PTPRG: variants seen among roughly 807,000 people sequenced by gnomAD.
The protein encoded by PTPRG is receptor-type tyrosine-protein phosphatase gamma.
Under a neutral mutation model 165.3 loss-of-function variants are expected in PTPRG, and 102 were observed. The ratio of observed to expected loss-of-function variants is 0.62; its 90% CI spans 0.53 to 0.73. PTPRG has a LOEUF of 0.73. Among genes scored for constraint, PTPRG ranks in the 30% least tolerant of loss-of-function variants. PTPRG has a pLI of 0.00. For missense variants in PTPRG, 1,866 were observed against 1,861.4 expected, an observed-to-expected ratio of 1.00 and a Z score of -0.05; for synonymous variants, 675 against 669.5, an observed-to-expected ratio of 1.01 and a Z score of -0.13.
chr3:61,810,166 G>A lies in PTPRG; in HGVS notation c.190+61184G>A, dbSNP rs913457640. Among the ~76,000 whole-genome samples the A allele has an allele frequency of 4.6e-5, 7 of 152,300 alleles. No individual in the cohort carries two copies. In the East Asian group the frequency reaches 1.4e-3, roughly 29 times the overall value. On this transcript the variant is annotated intron_variant, in intron 2 of 29. Transcript: ENST00000474889. ...GAGGCCAAAGTGTACTCTACAGGGAGTGCAGGATAAAATAAGAACAATACG... is the reference window on the plus strand; with the variant it reads ...GAGGCCAAAGTGTACTCTACAGGGAATGCAGGATAAAATAAGAACAATACG...
chr3:61,995,609 T>C (rs899287990), intron 3 of PTPRG, among the ~76,000 whole-genome samples: 2 of 150,680 alleles, frequency 1.3e-5, no homozygotes, highest in Non-Finnish European at 3.0e-5. Flanking sequence ...GGTATGGGGG[T>C]GTGTAGGTAT....
intron 14 of PTPRG, among the ~76,000 whole-genome samples, chr3:62,234,950 T>C (rs1185562081): frequency 6.8e-6 from 1 of 146,718 alleles, no homozygotes; most frequent in Non-Finnish European, 1.5e-5. Flanking sequence ...CCCCCCGAGA[T>C]GGTCTCAAGT....
chr3:61,704,164 GTCTGGGAGGCCAAGT>G (rs956708552), intron 1 of PTPRG, among the ~76,000 whole-genome samples: 7 of 152,166 alleles, frequency 4.6e-5, no homozygotes, highest in African/African-American at 1.7e-4. Flanking sequence ...CAAATTGGTT[GTCTGGGAGGCCAAGT>G]TCTGGAGGTA....
chr3:61,577,923 C>T (rs1261482747), intron 1 of PTPRG, among the ~76,000 whole-genome samples: 2 of 152,190 alleles, frequency 1.3e-5, no homozygotes. Flanking sequence ...GGTCATTTAG[C>T]TTTGTGTGCC....
intron 2 of PTPRG, among the ~76,000 whole-genome samples, chr3:61,839,822 C>G (rs1324836945): frequency 2.0e-5 from 3 of 152,160 alleles, no homozygotes; most frequent in Non-Finnish European, 4.4e-5. Context: ...CCTCTCAACT[C>G]TCACCCCCTT....
chr3:62,122,629 ATGTT>A (rs1387613550), intron 5 of PTPRG, among the ~76,000 whole-genome samples: 1 of 152,196 alleles, frequency 6.6e-6, no homozygotes, highest in South Asian at 2.1e-4. Context: ...TTGGTTTTCT[ATGTT>A]TGTTTAAACA....
intron 2 of PTPRG, among the ~76,000 whole-genome samples, chr3:61,754,259 G>C (rs896440528): frequency 6.6e-6 from 1 of 152,174 alleles, no homozygotes; most frequent in South Asian, 2.1e-4. Flanking sequence ...GGGATTTGAG[G>C]AATTGCTCAG....
intron 2 of PTPRG, among the ~76,000 whole-genome samples, chr3:61,914,703 C>G (rs2038890815): frequency 6.6e-6 from 1 of 152,010 alleles, no homozygotes; most frequent in South Asian, 2.1e-4. Flanking sequence ...CAAGAAATTA[C>G]AATATTGACC....
intron 14 of PTPRG, among the ~76,000 whole-genome samples, chr3:62,242,205 T>C (rs1016253776): frequency 1.3e-5 from 2 of 152,254 alleles, no homozygotes; most frequent in African/African-American, 4.8e-5. Context: ...TTCATATCCA[T>C]GTAGCTTAAG....
At chr3:61,984,377 T>C (rs2040708516) in intron 2 of PTPRG, among the ~76,000 whole-genome samples, 1 of 152,172 alleles carries the variant, frequency 6.6e-6, no homozygotes, top group African/African-American at 2.4e-5. Flanking sequence ...TACCGTAGTC[T>C]CTTGTTTCCT....
intron 1 of PTPRG, among the ~76,000 whole-genome samples, chr3:61,615,337 T>TC (rs1701273167): frequency 6.6e-6 from 1 of 152,034 alleles, no homozygotes; most frequent in South Asian, 2.1e-4. Context: ...TCGATACTTT[T>TC]GAAGGTAACA....
intron 1 of PTPRG, among the ~76,000 whole-genome samples, chr3:61,603,115 A>G (rs1362611087): frequency 6.6e-6 from 1 of 152,190 alleles, no homozygotes; most frequent in Admixed American, 6.5e-5. Flanking sequence ...AGCAAACACT[A>G]TAAATCAGCC....
At position 61,562,152 on chromosome 3, in the gene PTPRG, GCCGCCGAGCGC is replaced by G; in HGVS notation, c.-135_-125del. On this transcript the variant is annotated 5_prime_UTR_variant, in exon 1 of 30. Transcript: ENST00000474889. ...CTTCCCGGATTCCAAGGGGACTCGG[GCCGCCGAGCGC>G]GGGGGGCCCGTGGAGCGGGCGAGCC... is the stretch of plus-strand genomic sequence containing the variant. 2.7e-6 allele frequency: 2 copies of G among 729,358 alleles called. No homozygotes were observed. Among genetic ancestry groups the G allele is most frequent in the African/African-American group, 1.8e-5 (1 of 56,652 alleles). The allele number at this position is 729,358 out of a possible 1,614,324, so 45.2% of individuals were successfully genotyped here. A position where few individuals can be genotyped will look rare whatever the true frequency, so the allele number is the denominator to read the frequency against.
chr3:62,190,383 G>A lies in PTPRG; in HGVS notation c.1034-1086G>A, dbSNP rs935776963. On this transcript the variant is annotated intron_variant, in intron 8 of 29. Transcript: ENST00000474889. This position sits in a 1 kb window ranked among gnomAD's most constrained non-coding sequence, Gnocchi z 5.2. The stretch of plus-strand genomic sequence containing the variant: ...TCAGCTCCATGAAGGCAGGCAGCAC[G>A]GCCACACGGGTCTGGACACCCCTGA... 2.6e-5 allele frequency among the ~76,000 whole-genome samples: 4 copies of A among 152,160 alleles called. No individual in the cohort carries two copies. The highest frequency in any genetic ancestry group is 7.2e-5 in the African/African-American group (3 of 41,440).
Position 62,003,818 on chromosome 3 carries a change from G to A in PTPRG, c.519+321G>A, listed in dbSNP as rs181357616. Among the ~76,000 whole-genome samples, 39 of 152,242 alleles carry A rather than the reference G, an allele frequency of 2.6e-4. No homozygotes were observed. The South Asian group carries it at 5.8e-3, about 23-fold the overall frequency. ...ATTTTTGAAAGGTGACATTTTGTAC[G>A]AAACTGGGTTGACTTCATTTTCACC... On this transcript the variant is annotated intron_variant, in intron 4 of 29. Coordinates refer to ENST00000474889, the MANE Select transcript of PTPRG (RefSeq NM_002841.4).
At chr3:61,708,475 A>G (rs1267837415) in intron 1 of PTPRG, among the ~76,000 whole-genome samples, 1 of 103,592 alleles carries the variant, frequency 9.7e-6, no homozygotes, top group Non-Finnish European at 1.8e-5. Context: ...TTTTTTTGAG[A>G]CAGAGTCTCG....
intron 2 of PTPRG, among the ~76,000 whole-genome samples, chr3:61,786,509 G>A (rs2034708348): frequency 6.6e-6 from 1 of 152,150 alleles, no homozygotes; most frequent in South Asian, 2.1e-4. Context: ...AGCCAGGCTG[G>A]TTATCGTAAC....
chr3:62,255,046 G>T lies in PTPRG; in HGVS notation c.2468-78G>T. 4.9e-6 allele frequency: 6 copies of T among 1,222,848 alleles called. No homozygotes were observed. The highest frequency in any genetic ancestry group is 5.8e-6 in the Non-Finnish European group (5 of 856,138). 75.7% of individuals were successfully genotyped at this position (1,222,848 alleles called of 1,614,324 possible). A position where few individuals can be genotyped will look rare whatever the true frequency, so the allele number is the denominator to read the frequency against. On this transcript the variant is annotated intron_variant, in intron 15 of 29. Coordinates refer to ENST00000474889, the MANE Select transcript of PTPRG (RefSeq NM_002841.4). This position sits in a 1 kb window ranked among gnomAD's most constrained non-coding sequence, Gnocchi z 4.0. ...TGCAAAAATCAAGTATTTGTCTTAA[G>T]GATGCTTTGCTTTATCAGTGTAATT...
chr3:61,724,451 C>T (rs1440375878), intron 1 of PTPRG, among the ~76,000 whole-genome samples: 3 of 152,048 alleles, frequency 2.0e-5, no homozygotes, highest in African/African-American at 7.2e-5. Flanking sequence ...CAAATATTAA[C>T]AGTGCGTACA....
Sources: gnomAD v4.1 joint callset for allele counts (sites outside exome capture counted in the v4.1 genomes callset) on GRCh38, gnomAD v4.1.1 for gene constraint, Gnocchi (gnomAD v3.1) non-coding constraint, MANE v1.5 for transcripts, NCBI Gene and HGNC (gene_info 2026-07-23, HGNC 2026-07-21) for gene names.